The following MCF2L2 variants were observed in gnomAD, a reference collection of about 807,000 sequenced individuals.
MCF2L2 encodes the protein probable guanine nucleotide exchange factor MCF2L2.
Under a neutral mutation model 150.2 loss-of-function variants are expected in MCF2L2, and 102 were observed. The observed-to-expected ratio is 0.68, with a 90% CI of 0.58 to 0.80. The LOEUF (loss-of-function observed/expected upper bound fraction) is 0.80, where lower values mean the gene tolerates loss of function less well. MCF2L2 is among the 30% of genes least tolerant of loss of function. The pLI, the probability that MCF2L2 is intolerant of heterozygous loss-of-function variation, is 0.00. For missense variants in MCF2L2, 1,256 were observed against 1,372.8 expected (o/e 0.91, Z 1.34); for synonymous variants, 465 against 491.3 (o/e 0.95, Z 0.71).
chr3:183,345,856 C>G (rs1351087963), intron 3 of MCF2L2, among the ~76,000 whole-genome samples: 2 of 152,148 alleles, frequency 1.3e-5, no homozygotes, highest in Admixed American at 1.3e-4. Flanking sequence ...AACACCCTCC[C>G]AAGACTAAAC....
At chr3:183,406,614 GAGTAGCTGAGATTACAGGCGCCTGCC>G (rs1336069351) in intron 1 of MCF2L2, among the ~76,000 whole-genome samples, 16 of 151,978 alleles carry the variant, frequency 1.1e-4, no homozygotes, top group Non-Finnish European at 1.5e-5. Flanking sequence ...TCAGCCTCCC[GAGTAGCTGAGATTACAGGCGCCTGCC>G]ACCATGCCCA....
At chr3:183,364,760 T>C (rs1425588653) in intron 3 of MCF2L2, among the ~76,000 whole-genome samples, 5 of 152,108 alleles carry the variant, frequency 3.3e-5, no homozygotes, top group African/African-American at 9.7e-5. Flanking sequence ...ACTTTGCACA[T>C]CCCTATGCAA....
At chr3:183,257,958 C>CTTTTTTTTTTTTTTTTTTTT (rs35323502) in intron 15 of MCF2L2, among the ~76,000 whole-genome samples, 1 of 64,724 alleles carries the variant, frequency 1.5e-5, no homozygotes, top group African/African-American at 6.9e-5. Context: ...CCACTTCACC[C>CTTTTTTTTTTTTTTTTTTTT]TTTTTTTTTT....
intron 23 of MCF2L2, 48 bp from the exon 24 acceptor site, chr3:183,206,262 T>A (rs201085285): frequency 2.4e-6 from 3 of 1,276,500 alleles, no homozygotes; most frequent in Non-Finnish European, 3.4e-6. Flanking sequence ...GTTTTCTGAT[T>A]TTAAAATAGT....
At chr3:183,268,110 T>C (rs1477594607) in intron 15 of MCF2L2, among the ~76,000 whole-genome samples, 13 of 152,198 alleles carry the variant, frequency 8.5e-5, no homozygotes, top group Admixed American at 6.5e-4. Flanking sequence ...AGACTTCATA[T>C]TAGCAAGGGA....
chr3:183,383,079 TA>T (rs1430931487), intron 2 of MCF2L2, among the ~76,000 whole-genome samples: 1 of 152,122 alleles, frequency 6.6e-6, no homozygotes, highest in Non-Finnish European at 1.5e-5. Flanking sequence ...TTCTCCATAA[TA>T]AAACAAAGAA....
At chr3:183,240,609 G>T (rs925892205) in intron 15 of MCF2L2, among the ~76,000 whole-genome samples, 3 of 152,138 alleles carry the variant, frequency 2.0e-5, no homozygotes, top group Non-Finnish European at 4.4e-5. Context: ...AAGACTCTCT[G>T]TTCATGTGGT....
At chr3:183,273,621 TC>T (rs1346053082) in intron 15 of MCF2L2, among the ~76,000 whole-genome samples, 1 of 152,202 alleles carries the variant, frequency 6.6e-6, no homozygotes, top group Non-Finnish European at 1.5e-5. Context: ...TAACGATGGA[TC>T]ACATATATGA....
At position 183,270,006 on chromosome 3, in the gene MCF2L2, G is replaced by C. The variant is rs1726593140; in HGVS notation, c.1862+6866C>G. 4.3e-6 allele frequency: 7 copies of C among 1,613,976 alleles called. No individual in the cohort carries two copies. Among genetic ancestry groups the C allele is most frequent in the Non-Finnish European group, 5.9e-6 (7 of 1,180,042 alleles). On this transcript the variant is annotated intron_variant, in intron 15 of 29. Coordinates refer to ENST00000328913, the MANE Select transcript of MCF2L2 (RefSeq NM_015078.4). This position sits in a 1 kb window ranked among gnomAD's most constrained non-coding sequence, Gnocchi z 4.5. ...CCTGTCTCTTAAGCACACCTCAGCG[G>C]GGCCTCGCTACCAATACTTGATTAA...
In MCF2L2 at chr3:183,309,712, A is replaced by G; in HGVS notation, c.1113+4T>C. 1 of 1,614,036 alleles carries G rather than the reference A, an allele frequency of 6.2e-7. No homozygotes were observed. Among genetic ancestry groups the G allele is most frequent in the South Asian group, 1.1e-5 (1 of 91,080 alleles). On this transcript the variant is annotated splice_donor_region_variant and intron_variant, in intron 10 of 29. Transcript: ENST00000328913. ...CCAGTACACAAAAATGTCAGAAAGCAAACCTGGCTTTTTTCCTCCAGTTTT... is the reference window on the plus strand; with the variant it reads ...CCAGTACACAAAAATGTCAGAAAGCGAACCTGGCTTTTTTCCTCCAGTTTT...
chr3:183,217,413 A>G (rs981228156), intron 21 of MCF2L2, among the ~76,000 whole-genome samples: 2 of 151,418 alleles, frequency 1.3e-5, no homozygotes, highest in African/African-American at 4.9e-5. Flanking sequence ...TGGAGTTTGC[A>G]GTGAGCCAAG....
chr3:183,180,975 G>A (rs1219198582), intron 27 of MCF2L2, among the ~76,000 whole-genome samples: 1 of 152,260 alleles, frequency 6.6e-6, no homozygotes, highest in Non-Finnish European at 1.5e-5. Flanking sequence ...AGGGTAGGGA[G>A]CAGAGCATCT....
In MCF2L2 at chr3:183,327,515, CTT is replaced by C. The variant is rs541192427; in HGVS notation, c.487-4166_487-4165del. On this transcript the variant is annotated intron_variant, in intron 5 of 29. Transcript: ENST00000328913. The stretch of plus-strand genomic sequence containing the variant: ...TGTCCAACTTCCGACTGGCATCGCT[CTT>C]GTTATTGATCTTTGTAGCCAAGAAT... 7.9e-5 allele frequency among the ~76,000 whole-genome samples: 12 copies of C among 152,262 alleles called. No homozygotes were observed. In the East Asian group the frequency reaches 2.1e-3, roughly 27 times the overall value.
At chr3:183,362,091 T>C (rs1268673780) in intron 3 of MCF2L2, among the ~76,000 whole-genome samples, 1 of 151,082 alleles carries the variant, frequency 6.6e-6, no homozygotes, top group Non-Finnish European at 1.5e-5. Flanking sequence ...ACATCTGAAA[T>C]ACTTCTTGTC....
intron 15 of MCF2L2, among the ~76,000 whole-genome samples, chr3:183,240,361 C>G (rs1414968046): frequency 6.6e-6 from 1 of 152,206 alleles, no homozygotes; most frequent in African/African-American, 2.4e-5. Flanking sequence ...TCCCCAGTAG[C>G]TGGGGTTAAA....
At chr3:183,246,213 T>G (rs1338058603) in intron 15 of MCF2L2, among the ~76,000 whole-genome samples, 5 of 152,212 alleles carry the variant, frequency 3.3e-5, no homozygotes, top group Non-Finnish European at 7.3e-5. Context: ...AATTTACTAT[T>G]TAAACCTTTT....
intron 15 of MCF2L2, among the ~76,000 whole-genome samples, chr3:183,266,745 G>C (rs186754787): frequency 6.6e-6 from 1 of 152,192 alleles, no homozygotes; most frequent in Admixed American, 6.5e-5. Context: ...TGTCCAAAGG[G>C]GGAAATTACT....
At chr3:183,413,714 A>T (rs1715438654) in intron 1 of MCF2L2, among the ~76,000 whole-genome samples, 1 of 152,188 alleles carries the variant, frequency 6.6e-6, no homozygotes, top group Non-Finnish European at 1.5e-5. Flanking sequence ...TTTTGTCAGG[A>T]GGTAGACCAG....
chr3:183,201,112 T>C (rs570751821), intron 25 of MCF2L2, among the ~76,000 whole-genome samples: 3 of 152,352 alleles, frequency 2.0e-5, no homozygotes, highest in African/African-American at 7.2e-5. Context: ...ATGCAAGCTC[T>C]TTTTTGGTTC....
Sources: gnomAD v4.1 joint callset for allele counts (sites outside exome capture counted in the v4.1 genomes callset) on GRCh38, gnomAD v4.1.1 for gene constraint, Gnocchi (gnomAD v3.1) non-coding constraint, MANE v1.5 for transcripts, NCBI Gene and HGNC (gene_info 2026-07-23, HGNC 2026-07-21) for gene names.